DSCAM: variants seen among roughly 807,000 people sequenced by gnomAD.
The protein encoded by DSCAM is DS cell adhesion molecule.
A neutral mutation model predicts 217.7 loss-of-function variants in DSCAM; 47 were observed. The ratio of observed to expected loss-of-function variants is 0.22; its 90% CI spans 0.17 to 0.28. The LOEUF is 0.28. Ranked by LOEUF, DSCAM falls within the 10% of genes least tolerant of loss-of-function variation. The pLI, the probability that DSCAM is intolerant of heterozygous loss-of-function variation, is 1.00. For synonymous variants in DSCAM, 1,056 were observed against 1,015.3 expected (o/e 1.04, Z -0.76); for missense variants, 2,080 against 2,618.3 (o/e 0.79, Z 4.49).
intron 3 of DSCAM, among the ~76,000 whole-genome samples, chr21:40,585,669 G>A (rs2076941188): frequency 2.0e-5 from 3 of 152,158 alleles, no homozygotes; most frequent in South Asian, 4.1e-4. Context: ...GTTGTAGGTC[G>A]AAATTTGATT....
At chr21:40,625,165 TGA>T (rs2089583098) in intron 3 of DSCAM, among the ~76,000 whole-genome samples, 1 of 151,378 alleles carries the variant, frequency 6.6e-6, no homozygotes, top group Non-Finnish European at 1.5e-5. Context: ...CCTGAAAAAA[TGA>T]GAGATGTTGA....
At chr21:40,028,595 G>A (rs757754736) in intron 32 of DSCAM, among the ~76,000 whole-genome samples, 5 of 152,186 alleles carry the variant, frequency 3.3e-5, no homozygotes, top group Non-Finnish European at 7.3e-5. Flanking sequence ...GTATTCGGGT[G>A]GGAGTGACCC....
chr21:40,343,643 T>TAC lies in DSCAM; in HGVS notation c.1210+4025_1210+4026dup, dbSNP rs570665164. Among the ~76,000 whole-genome samples the TAC allele has an allele frequency of 4.5e-3, 686 of 150,950 alleles. 1 individual carries two copies. Among genetic ancestry groups the TAC allele is most frequent in the Non-Finnish European group, 7.2e-3 (485 of 67,576 alleles). On this transcript the variant is annotated intron_variant, in intron 6 of 32. Transcript: ENST00000400454. ...ATTATAAGATAAGCTCCAATTGATT[T>TAC]ACACACACACACACACAATCTATAT...
chr21:40,533,457 C>T (rs1400247166), intron 3 of DSCAM, among the ~76,000 whole-genome samples: 1 of 151,838 alleles, frequency 6.6e-6, no homozygotes, highest in East Asian at 1.9e-4. Flanking sequence ...CATCCATCCA[C>T]CCATCGTCCA....
chr21:40,042,749 C>T, intron 31 of DSCAM, 76 bp from the exon 32 acceptor site: 1 of 1,409,286 alleles, frequency 7.1e-7, no homozygotes, highest in South Asian at 1.4e-5. Context: ...CCCTTCCTGG[C>T]TTGGGGCTGT....
chr21:40,251,270 G>C (rs1285995594), intron 11 of DSCAM, among the ~76,000 whole-genome samples: 2 of 152,074 alleles, frequency 1.3e-5, no homozygotes, highest in Admixed American at 1.3e-4. Context: ...AACACATATA[G>C]ATCAGAATAA....
At chr21:40,538,792 G>A (rs565975365) in intron 3 of DSCAM, among the ~76,000 whole-genome samples, 1 of 152,204 alleles carries the variant, frequency 6.6e-6, no homozygotes, top group African/African-American at 2.4e-5. Context: ...GGAGCACAAG[G>A]GAGGGGAAGG....
At chr21:40,593,848 T>G (rs755804694) in intron 3 of DSCAM, among the ~76,000 whole-genome samples, 7 of 152,178 alleles carry the variant, frequency 4.6e-5, no homozygotes, top group Non-Finnish European at 1.0e-4. Flanking sequence ...TAAGTCAGAC[T>G]TACATCTTAA....
At chr21:40,410,992 A>G (rs552156896) in intron 3 of DSCAM, among the ~76,000 whole-genome samples, 1 of 152,308 alleles carries the variant, frequency 6.6e-6, no homozygotes, top group African/African-American at 2.4e-5. Flanking sequence ...ATATCTTTAA[A>G]AGATAATTAA....
chr21:40,060,775 A>T (rs2089105531), intron 28 of DSCAM, among the ~76,000 whole-genome samples: 1 of 152,216 alleles, frequency 6.6e-6, no homozygotes, highest in African/African-American at 2.4e-5. Flanking sequence ...TCTACCTTTG[A>T]CAATTTCTTT....
intron 3 of DSCAM, among the ~76,000 whole-genome samples, chr21:40,453,911 G>T (rs1185358197): frequency 2.6e-5 from 4 of 152,164 alleles, no homozygotes; most frequent in African/African-American, 9.6e-5. Context: ...GTACATCGAA[G>T]CAGGGGATAT....
At chr21:40,506,130 A>G (rs925035856) in intron 3 of DSCAM, among the ~76,000 whole-genome samples, 3 of 152,230 alleles carry the variant, frequency 2.0e-5, no homozygotes, top group Non-Finnish European at 4.4e-5. Context: ...TTGCATTTCA[A>G]AAATGTGTAA....
intron 3 of DSCAM, among the ~76,000 whole-genome samples, chr21:40,623,338 T>C (rs1440639311): frequency 1.3e-5 from 2 of 152,200 alleles, no homozygotes; most frequent in African/African-American, 4.8e-5. Flanking sequence ...ATTTCCTGAG[T>C]GCAGTGAACT....
chr21:40,767,867 A>G (rs1360446491), intron 1 of DSCAM, among the ~76,000 whole-genome samples: 2 of 147,190 alleles, frequency 1.4e-5, no homozygotes, highest in Non-Finnish European at 3.0e-5. Context: ...TCATTGATAC[A>G]TGGCTCACCA....
chr21:40,312,031 T>C (rs1375254384), intron 9 of DSCAM, 50 bp downstream of exon 9: 2 of 1,493,168 alleles, frequency 1.3e-6, no homozygotes, highest in Non-Finnish European at 1.8e-6. Context: ...TCTTAAACCA[T>C]TGTTAAATCA....
chr21:40,729,584 T>A (rs1034028239), intron 1 of DSCAM, among the ~76,000 whole-genome samples: 7 of 152,234 alleles, frequency 4.6e-5, no homozygotes, highest in Non-Finnish European at 1.0e-4. Flanking sequence ...AGTAATCAGA[T>A]CTTTAAGTCA....
intron 2 of DSCAM, among the ~76,000 whole-genome samples, chr21:40,704,987 A>G (rs1462755198): frequency 1.3e-5 from 2 of 152,212 alleles, no homozygotes; most frequent in African/African-American, 2.4e-5. Flanking sequence ...AAACATGTAT[A>G]CATCAAAGAT....
Position 40,638,745 on chromosome 21 carries a change from G to A in DSCAM, c.508+54065C>T, listed in dbSNP as rs560650924. On this transcript the variant is annotated intron_variant, in intron 3 of 32. Transcript: ENST00000400454. ...CGGTAATTACACCCATTTTACTCGC[G>A]GCTAGACAGATGGGACATTTTCTCC... 9.9e-5 allele frequency among the ~76,000 whole-genome samples: 15 copies of A among 152,206 alleles called. No individual in the cohort carries two copies. The South Asian group carries it at 2.7e-3, about 27-fold the overall frequency.
At chr21:40,617,743 C>G (rs2089423365) in intron 3 of DSCAM, among the ~76,000 whole-genome samples, 1 of 152,186 alleles carries the variant, frequency 6.6e-6, no homozygotes, top group African/African-American at 2.4e-5. Flanking sequence ...CTTCTGGGGT[C>G]AAACTTGTGC....
Sources: allele counts gnomAD v4.1 joint callset (sites outside exome capture counted in the v4.1 genomes callset), GRCh38; gene constraint gnomAD v4.1.1; transcripts MANE v1.5; gene names NCBI Gene and HGNC (gene_info 2026-07-23, HGNC 2026-07-21).